Variants in DYNC1LI1 observed in about 807,000 individuals in gnomAD.
DYNC1LI1 encodes the protein cytoplasmic dynein 1 light intermediate chain 1.
DYNC1LI1 carries 19 observed loss-of-function variants against 63.8 expected under a neutral mutation model. The ratio of observed to expected loss-of-function variants is 0.30; its 90% CI spans 0.21 to 0.44. DYNC1LI1 has a LOEUF of 0.44. Ranked by LOEUF, DYNC1LI1 falls within the 20% of genes least tolerant of loss-of-function variation. The pLI, the probability that DYNC1LI1 is intolerant of heterozygous loss-of-function variation, is 1.00. For synonymous variants in DYNC1LI1, 225 were observed against 232.3 expected (o/e 0.97, Z 0.28); for missense variants, 565 against 630.2 (o/e 0.90, Z 1.11).
chr3:32,537,137 TTAAAA>T, intron 5 of DYNC1LI1, 33 bp from the exon 6 acceptor site: 1 of 1,214,252 alleles, frequency 8.2e-7, no homozygotes, highest in East Asian at 2.6e-5. Flanking sequence ...AATAATACAT[TTAAAA>T]TAATCATAAC....
chr3:32,563,226 C>T (rs1698216077), intron 2 of DYNC1LI1, among the ~76,000 whole-genome samples: 1 of 151,596 alleles, frequency 6.6e-6, no homozygotes, highest in Non-Finnish European at 1.5e-5. Context: ...TTTCTAATAG[C>T]CACTGTCCTG....
intron 2 of DYNC1LI1, among the ~76,000 whole-genome samples, chr3:32,563,747 T>C (rs1449288267): frequency 6.6e-6 from 1 of 152,238 alleles, no homozygotes; most frequent in East Asian, 1.9e-4. Context: ...TACCAGCCTG[T>C]ATCTGTGATT....
At chr3:32,528,112 CAAAAA>C (rs60912161) in intron 12 of DYNC1LI1, among the ~76,000 whole-genome samples, 817 of 29,730 alleles carry the variant, frequency 0.027, 14 homozygotes, top group South Asian at 0.071. Flanking sequence ...GACTCCATCT[CAAAAA>C]AAAAAAAAAA....
intron 11 of DYNC1LI1, among the ~76,000 whole-genome samples, chr3:32,529,312 A>T (rs1343760372): frequency 2.0e-5 from 3 of 152,194 alleles, no homozygotes; most frequent in Non-Finnish European, 4.4e-5. Flanking sequence ...ATCTACCAGG[A>T]AATTGATTAA....
At chr3:32,552,535 G>A (rs895841384) in intron 2 of DYNC1LI1, among the ~76,000 whole-genome samples, 4 of 151,776 alleles carry the variant, frequency 2.6e-5, no homozygotes, top group African/African-American at 9.7e-5. Context: ...AACATACTAA[G>A]ATACTATGTA....
chr3:32,541,268 C>T, intron 4 of DYNC1LI1, 62 bp from the exon 5 acceptor site: 1 of 1,124,722 alleles, frequency 8.9e-7, no homozygotes. Context: ...CTTTTCTTGC[C>T]ATAATCTAAA....
intron 7 of DYNC1LI1, 23 bp downstream of exon 7, chr3:32,534,488 T>C (rs1697748679): frequency 1.1e-5 from 17 of 1,497,382 alleles, no homozygotes; most frequent in Non-Finnish European, 1.5e-5. Context: ...ATGATAAAAT[T>C]ATATATTTAA....
chr3:32,547,370 T>C (rs1697970102), intron 2 of DYNC1LI1, among the ~76,000 whole-genome samples: 1 of 152,216 alleles, frequency 6.6e-6, no homozygotes, highest in South Asian at 2.1e-4. Flanking sequence ...GTAATAGTAT[T>C]TATAGATATA....
intron 7 of DYNC1LI1, 88 bp from the exon 8 acceptor site, chr3:32,533,185 A>G (rs571962538): frequency 1.4e-6 from 2 of 1,422,466 alleles, no homozygotes; most frequent in African/African-American, 1.5e-5. Context: ...GAATACTTTC[A>G]TGAAGTCAAT....
intron 1 of DYNC1LI1, 74 bp from the exon 2 acceptor site, chr3:32,570,493 C>T: frequency 6.7e-7 from 1 of 1,482,674 alleles, no homozygotes; most frequent in African/African-American, 1.5e-5. Flanking sequence ...CCGGCCTCGG[C>T]GCGCCGGGGA....
chr3:32,536,529 A>G (rs1393109038), intron 6 of DYNC1LI1, among the ~76,000 whole-genome samples: 4 of 152,174 alleles, frequency 2.6e-5, no homozygotes. Context: ...AGTTTAGATG[A>G]TTCTCCAGCC....
chr3:32,563,306 T>C (rs1392018733), intron 2 of DYNC1LI1, among the ~76,000 whole-genome samples: 3 of 151,476 alleles, frequency 2.0e-5, no homozygotes, highest in African/African-American at 7.3e-5. Context: ...TTTTTTTTTT[T>C]TTGAGATGGA....
intron 2 of DYNC1LI1, among the ~76,000 whole-genome samples, chr3:32,559,217 C>G (rs1161272836): frequency 6.6e-6 from 1 of 151,952 alleles, no homozygotes; most frequent in Non-Finnish European, 1.5e-5. Context: ...CAGTAATACA[C>G]TAGAAATAAA....
At chr3:32,534,862 TAGG>T (rs1454899254) in intron 6 of DYNC1LI1, among the ~76,000 whole-genome samples, 1 of 152,188 alleles carries the variant, frequency 6.6e-6, no homozygotes, top group Non-Finnish European at 1.5e-5. Flanking sequence ...CAATTTAACT[TAGG>T]AAGGCAGAAG....
At chr3:32,538,048 A>ATATATATATATAAAAT (rs1697820996) in intron 5 of DYNC1LI1, among the ~76,000 whole-genome samples, 1 of 34,782 alleles carries the variant, frequency 2.9e-5, no homozygotes, top group African/African-American at 1.4e-4. Flanking sequence ...TATATATATA[A>ATATATATATATAAAAT]TTATATATAT....
intron 11 of DYNC1LI1, among the ~76,000 whole-genome samples, chr3:32,529,276 T>G (rs1043112967): frequency 6.6e-6 from 1 of 152,236 alleles, no homozygotes; most frequent in African/African-American, 2.4e-5. Context: ...TTACTTATTA[T>G]AGTGTAAATG....
intron 2 of DYNC1LI1, among the ~76,000 whole-genome samples, chr3:32,554,274 T>C (rs1327751083): frequency 2.0e-5 from 3 of 152,226 alleles, no homozygotes; most frequent in Non-Finnish European, 4.4e-5. Flanking sequence ...TGACAGCTAT[T>C]CCTCTTAACA....
rs996203668 is a variant in DYNC1LI1, at chr3:32,526,626, G to A, written c.*173C>T. 2 of 533,486 alleles carry A rather than the reference G, an allele frequency of 3.7e-6. No individual in the cohort carries two copies. Among genetic ancestry groups the A allele is most frequent in the Non-Finnish European group, 6.8e-6 (2 of 293,944 alleles). 33.0% of individuals were successfully genotyped at this position (533,486 alleles called of 1,614,324 possible). A position where few individuals can be genotyped will look rare whatever the true frequency, so the allele number is the denominator to read the frequency against. The stretch of plus-strand genomic sequence containing the variant: ...CATAATGTAGAATAATTTTTCTTCT[G>A]TACGGCTCCTTCTAAAAAATGGGTA... On this transcript the variant is annotated 3_prime_UTR_variant, in exon 13 of 13. Transcript: ENST00000273130.
At chr3:32,537,148 A>G in intron 5 of DYNC1LI1, 44 bp from the exon 6 acceptor site, 2 of 1,072,208 alleles carry the variant, frequency 1.9e-6, no homozygotes, top group East Asian at 2.8e-5. Flanking sequence ...TAAAATAATC[A>G]TAACTAAATA....
Sources: allele counts gnomAD v4.1 joint callset (sites outside exome capture counted in the v4.1 genomes callset), GRCh38; gene constraint gnomAD v4.1.1; transcripts MANE v1.5; gene names NCBI Gene and HGNC (gene_info 2026-07-23, HGNC 2026-07-21).